The following KCTD16 variants were observed in gnomAD, a reference collection of about 807,000 sequenced individuals.
The protein encoded by KCTD16 is potassium channel tetramerization domain containing 16.
A neutral mutation model predicts 33.2 loss-of-function variants in KCTD16; 13 were observed. The observed-to-expected ratio is 0.39, with a 90% CI of 0.25 to 0.62. The LOEUF (loss-of-function observed/expected upper bound fraction) is 0.62, where lower values mean the gene tolerates loss of function less well. KCTD16 is among the 20% of genes least tolerant of loss of function. The pLI is 0.50. For synonymous variants in KCTD16, 197 were observed against 195.3 expected, an observed-to-expected ratio of 1.01 and a Z score of -0.07; for missense variants, 441 against 525.1, an observed-to-expected ratio of 0.84 and a Z score of 1.57.
chr5:144,285,815 G>T (rs898608544), intron 3 of KCTD16, among the ~76,000 whole-genome samples: 12 of 152,082 alleles, frequency 7.9e-5, no homozygotes, highest in Admixed American at 7.9e-4. Flanking sequence ...CAACACACTT[G>T]CAGGAAAAGA....
intron 3 of KCTD16, among the ~76,000 whole-genome samples, chr5:144,244,657 A>T (rs1328973027): frequency 1.3e-5 from 2 of 152,080 alleles, no homozygotes; most frequent in Non-Finnish European, 2.9e-5. Flanking sequence ...TTTGCTTGGG[A>T]TTGGAGAGAT....
chr5:144,253,640 A>G (rs1754763037), intron 3 of KCTD16, among the ~76,000 whole-genome samples: 1 of 152,220 alleles, frequency 6.6e-6, no homozygotes, highest in Admixed American at 6.5e-5. Context: ...ATTTAAAGAA[A>G]AAGAATACCG....
At chr5:144,403,350 G>A (rs2126947848) in intron 3 of KCTD16, among the ~76,000 whole-genome samples, 1 of 152,272 alleles carries the variant, frequency 6.6e-6, no homozygotes. Context: ...CCAATGCATG[G>A]TGTTCTAATA....
At chr5:144,410,489 T>C (rs1205403511) in intron 3 of KCTD16, among the ~76,000 whole-genome samples, 1 of 152,200 alleles carries the variant, frequency 6.6e-6, no homozygotes, top group Non-Finnish European at 1.5e-5. Context: ...GGTTTTGTTT[T>C]TTCTTATGGA....
chr5:144,322,529 A>C (rs1418230164), intron 3 of KCTD16, among the ~76,000 whole-genome samples: 3 of 152,104 alleles, frequency 2.0e-5, no homozygotes, highest in African/African-American at 7.2e-5. Flanking sequence ...AAACAAAAAA[A>C]ACAAAACAGG....
chr5:144,443,370 C>T (rs1025060125), intron 3 of KCTD16, among the ~76,000 whole-genome samples: 3 of 152,066 alleles, frequency 2.0e-5, no homozygotes, highest in South Asian at 2.1e-4. Flanking sequence ...TTTCTAAATA[C>T]CTTAACAGTT....
chr5:144,381,311 T>A (rs776026932), intron 3 of KCTD16, among the ~76,000 whole-genome samples: 13 of 151,978 alleles, frequency 8.6e-5, no homozygotes, highest in Non-Finnish European at 1.5e-4. Flanking sequence ...ATTGGCAAGG[T>A]TGTGGAGAAA....
chr5:144,191,775 A>G (rs1752846363), intron 2 of KCTD16, among the ~76,000 whole-genome samples: 1 of 151,948 alleles, frequency 6.6e-6, no homozygotes, highest in South Asian at 2.1e-4. Flanking sequence ...TCTCAGGCTA[A>G]CAGTGAGTGT....
At chr5:144,222,115 G>GT (rs1397787984) in intron 3 of KCTD16, among the ~76,000 whole-genome samples, 2 of 151,932 alleles carry the variant, frequency 1.3e-5, no homozygotes, top group Admixed American at 6.6e-5. Flanking sequence ...GGGGTTGTTT[G>GT]TTTTTTTCTT....
chr5:144,368,634 G>A (rs576871501), intron 3 of KCTD16, among the ~76,000 whole-genome samples: 3 of 152,310 alleles, frequency 2.0e-5, no homozygotes, highest in South Asian at 4.1e-4. Flanking sequence ...GAGACTCAGA[G>A]TAGAGAACCC....
At chr5:144,421,876 T>C (rs1753219457) in intron 3 of KCTD16, among the ~76,000 whole-genome samples, 1 of 152,026 alleles carries the variant, frequency 6.6e-6, no homozygotes, top group African/African-American at 2.4e-5. Context: ...CCAAAACAAG[T>C]GGACAGAAAT....
At chr5:144,235,142 G>A (rs895501610) in intron 3 of KCTD16, among the ~76,000 whole-genome samples, 2 of 152,050 alleles carry the variant, frequency 1.3e-5, no homozygotes, top group African/African-American at 4.8e-5. Context: ...ATGCTTTTAG[G>A]GAGAATCATT....
At chr5:144,315,464 A>C (rs1461148570) in intron 3 of KCTD16, among the ~76,000 whole-genome samples, 1 of 152,182 alleles carries the variant, frequency 6.6e-6, no homozygotes, top group Non-Finnish European at 1.5e-5. Context: ...CTTGTTGTAA[A>C]AGTTAAAACA....
chr5:144,339,432 T>C (rs886203598), intron 3 of KCTD16, among the ~76,000 whole-genome samples: 1 of 152,186 alleles, frequency 6.6e-6, no homozygotes, highest in Non-Finnish European at 1.5e-5. Context: ...GCATTTTCTT[T>C]CTTTCTCTCT....
chr5:144,472,948 T>G (rs944503497), intron 3 of KCTD16, among the ~76,000 whole-genome samples: 1 of 152,248 alleles, frequency 6.6e-6, no homozygotes, highest in Non-Finnish European at 1.5e-5. Flanking sequence ...TGTATTCAAA[T>G]CTCAGCTCTG....
intron 3 of KCTD16, among the ~76,000 whole-genome samples, chr5:144,338,609 A>G (rs1460532312): frequency 1.3e-5 from 2 of 152,192 alleles, no homozygotes; most frequent in Admixed American, 1.3e-4. Flanking sequence ...ACAACAGATG[A>G]GTTTGAACAG....
chr5:144,182,444 G>T lies in KCTD16; in HGVS notation c.-327+7972G>T, dbSNP rs559263571. Among the ~76,000 whole-genome samples, 88 of 152,294 alleles carry T rather than the reference G, an allele frequency of 5.8e-4. 2 individuals are homozygous for T. The highest frequency in any genetic ancestry group is 1.8e-3 in the African/African-American group (76 of 41,564). On this transcript the variant is annotated intron_variant, in intron 2 of 3. Coordinates refer to ENST00000512467, the MANE Select transcript of KCTD16 (RefSeq NM_020768.4). ...AACAAAGCCCTTTAAATATACAAAA[G>T]CAGAATAGAATGATGGTTACCATAG...
At chr5:144,344,113 A>T (rs894550985) in intron 3 of KCTD16, among the ~76,000 whole-genome samples, 1 of 152,172 alleles carries the variant, frequency 6.6e-6, no homozygotes, top group Admixed American at 6.6e-5. Flanking sequence ...TGGGGAGAGG[A>T]TTCCCTATTT....
In KCTD16 at chr5:144,403,119, G is replaced by A. The variant is rs1050222036; in HGVS notation, c.833-70541G>A. Reference sequence around the variant, plus strand: ...CCTCTTGGGTTCTTGTGATTACATCGGGCACACCTGGATAATCCAGGGTTA... The same window carrying A: ...CCTCTTGGGTTCTTGTGATTACATCAGGCACACCTGGATAATCCAGGGTTA... On this transcript the variant is annotated intron_variant, in intron 3 of 3. Transcript: ENST00000512467. 8.5e-5 allele frequency among the ~76,000 whole-genome samples: 13 copies of A among 152,058 alleles called. No homozygotes were observed. In the East Asian group the frequency reaches 9.7e-4, roughly 11 times the overall value.
Sources: gnomAD v4.1 joint callset for allele counts (sites outside exome capture counted in the v4.1 genomes callset) on GRCh38, gnomAD v4.1.1 for gene constraint, MANE v1.5 for transcripts, NCBI Gene and HGNC (gene_info 2026-07-23, HGNC 2026-07-21) for gene names.